KCNQ3: variants seen among roughly 807,000 people sequenced by gnomAD.
The protein encoded by KCNQ3 is potassium voltage-gated channel subfamily Q member 3.
KCNQ3 carries 30 observed loss-of-function variants against 92.5 expected under a neutral mutation model. The ratio of observed to expected loss-of-function variants is 0.32; its 90% CI spans 0.24 to 0.44. KCNQ3 has a LOEUF of 0.44. KCNQ3 is among the 20% of genes least tolerant of loss of function. The pLI is 1.00. For missense variants in KCNQ3, 913 were observed against 1,140.3 expected (o/e 0.80, Z 2.87); for synonymous variants, 450 against 468.8 (o/e 0.96, Z 0.52).
intron 1 of KCNQ3, among the ~76,000 whole-genome samples, chr8:132,245,233 CAG>C (rs993057301): frequency 1.3e-5 from 2 of 152,098 alleles, no homozygotes; most frequent in East Asian, 1.9e-4. Context: ...TAAGGGTTCT[CAG>C]AGAGAGAGTA....
chr8:132,427,037 G>A (rs1036372505), intron 1 of KCNQ3, among the ~76,000 whole-genome samples: 1 of 152,176 alleles, frequency 6.6e-6, no homozygotes, highest in Non-Finnish European at 1.5e-5. Flanking sequence ...GTGGTGCTTG[G>A]TGCAGGAAGG....
intron 9 of KCNQ3, among the ~76,000 whole-genome samples, chr8:132,147,473 A>G (rs1339657370): frequency 6.6e-6 from 1 of 152,160 alleles, no homozygotes; most frequent in African/African-American, 2.4e-5. Flanking sequence ...GAAGTTGGTG[A>G]CTGTGTCTTT....
intron 1 of KCNQ3, among the ~76,000 whole-genome samples, chr8:132,352,110 G>C (rs1818889109): frequency 6.6e-6 from 1 of 152,184 alleles, no homozygotes; most frequent in Non-Finnish European, 1.5e-5. Context: ...GGGTGGCACT[G>C]TTTTCAACCC....
chr8:132,272,330 G>A (rs964073605), intron 1 of KCNQ3, among the ~76,000 whole-genome samples: 10 of 152,202 alleles, frequency 6.6e-5, no homozygotes, highest in South Asian at 6.2e-4. Flanking sequence ...AATCTGGGCT[G>A]TGATCAATGA....
At chr8:132,250,935 C>T (rs1168434772) in intron 1 of KCNQ3, among the ~76,000 whole-genome samples, 1 of 152,136 alleles carries the variant, frequency 6.6e-6, no homozygotes, top group Non-Finnish European at 1.5e-5. Flanking sequence ...CAAAGATCGA[C>T]CTCTTAGACC....
intron 1 of KCNQ3, among the ~76,000 whole-genome samples, chr8:132,354,416 A>T (rs1818959381): frequency 6.6e-6 from 1 of 152,172 alleles, no homozygotes; most frequent in South Asian, 2.1e-4. Flanking sequence ...GTAATTAGAA[A>T]TTGGCTTGGT....
chr8:132,396,153 C>A (rs1347601777), intron 1 of KCNQ3, among the ~76,000 whole-genome samples: 6 of 152,198 alleles, frequency 3.9e-5, no homozygotes, highest in Admixed American at 1.3e-4. Flanking sequence ...CCGACCCAGG[C>A]AGTGGCCTGG....
intron 1 of KCNQ3, among the ~76,000 whole-genome samples, chr8:132,294,764 T>C (rs573036858): frequency 5.3e-5 from 8 of 152,186 alleles, no homozygotes; most frequent in Non-Finnish European, 8.8e-5. Context: ...GGAATACTTA[T>C]CATGTTGAGC....
chr8:132,478,937 T>C (rs1822474304), intron 1 of KCNQ3, among the ~76,000 whole-genome samples: 1 of 141,420 alleles, frequency 7.1e-6, no homozygotes, highest in Admixed American at 7.3e-5. Flanking sequence ...TGGAGGAGAA[T>C]AGAGAGGAAA....
Position 132,129,531 on chromosome 8 carries a change from G to A in KCNQ3, c.2350C>T (p.Arg784Ter). Residue 784 changes from arginine (R) to a stop codon, truncating the protein, a stop_gained, in exon 15 of 15, where the codon CGA (arginine) becomes TGA (stop). Coordinates refer to ENST00000388996, the MANE Select transcript of KCNQ3 (RefSeq NM_004519.4). LOFTEE classifies it high-confidence loss of function. The surrounding 1 kb of genome is among the most constrained non-coding windows in gnomAD (Gnocchi z 5.9). ...AGGGACAGAGGTGTGTCACTGTCTC[G>A]CGTGATGCTACGTCTCTGCCGGGGG... Reference protein sequence around the residue: ...ISPRQRRSITRDSDTPLSLMS... With the variant: ...ISPRQRRSIT The A allele has an allele frequency of 6.2e-7, 1 of 1,614,218 alleles. No individual in the cohort carries two copies. Among genetic ancestry groups the A allele is most frequent in the Non-Finnish European group, 8.5e-7 (1 of 1,180,040 alleles).
chr8:132,182,882 G>GCA (rs3993055), intron 3 of KCNQ3, among the ~76,000 whole-genome samples: 11,573 of 145,974 alleles, frequency 0.079, 494 homozygotes, highest in South Asian at 0.12. Context: ...CTCCAATATC[G>GCA]CACACACACA....
chr8:132,137,828 T>C, intron 12 of KCNQ3, 57 bp downstream of exon 12: 1 of 1,600,618 alleles, frequency 6.2e-7, no homozygotes, highest in Non-Finnish European at 8.6e-7. Context: ...CACCTTAAAC[T>C]CTAAGGTTCA....
At chr8:132,195,062 A>G (rs1827266045) in intron 1 of KCNQ3, among the ~76,000 whole-genome samples, 1 of 152,206 alleles carries the variant, frequency 6.6e-6, no homozygotes, top group Non-Finnish European at 1.5e-5. Flanking sequence ...AATACCATAC[A>G]CCAGGGTCAT....
chr8:132,175,680 A>G, intron 4 of KCNQ3, 72 bp from the exon 5 acceptor site: 1 of 1,467,012 alleles, frequency 6.8e-7, no homozygotes. Flanking sequence ...AGCCAGACAC[A>G]CCAGAGTTAG....
intron 1 of KCNQ3, among the ~76,000 whole-genome samples, chr8:132,447,675 C>T (rs1821719299): frequency 6.6e-6 from 1 of 152,152 alleles, no homozygotes; most frequent in East Asian, 1.9e-4. Flanking sequence ...GCCACGAGCG[C>T]ATGATTTAGA....
chr8:132,353,490 C>G (rs934379793), intron 1 of KCNQ3, among the ~76,000 whole-genome samples: 1 of 152,178 alleles, frequency 6.6e-6, no homozygotes, highest in African/African-American at 2.4e-5. Flanking sequence ...TTGTGCAAAC[C>G]TGCTAATCAC....
intron 1 of KCNQ3, among the ~76,000 whole-genome samples, chr8:132,453,324 TC>T (rs1178494537): frequency 6.6e-6 from 1 of 152,080 alleles, no homozygotes; most frequent in African/African-American, 2.4e-5. Flanking sequence ...TCTAGCTCAC[TC>T]TGGAAAAAGA....
At chr8:132,400,547 G>A (rs962358937) in intron 1 of KCNQ3, among the ~76,000 whole-genome samples, 2 of 152,172 alleles carry the variant, frequency 1.3e-5, no homozygotes, top group Non-Finnish European at 2.9e-5. Context: ...ATGCCACCGC[G>A]GGTCCCTGCA....
At chr8:132,399,209 A>G (rs571746012) in intron 1 of KCNQ3, among the ~76,000 whole-genome samples, 6 of 151,680 alleles carry the variant, frequency 4.0e-5, no homozygotes, top group South Asian at 4.2e-4. Flanking sequence ...GCAATAAAAA[A>G]CTCTTTTAAT....
Sources: gnomAD v4.1 joint callset for allele counts (sites outside exome capture counted in the v4.1 genomes callset) on GRCh38, gnomAD v4.1.1 for gene constraint, Gnocchi (gnomAD v3.1) non-coding constraint, MANE v1.5 for transcripts, NCBI Gene and HGNC (gene_info 2026-07-23, HGNC 2026-07-21) for gene names.